The following CPEB2 variants were observed in gnomAD, a reference collection of about 807,000 sequenced individuals.
CPEB2 encodes cytoplasmic polyadenylation element-binding protein 2.
Under a neutral mutation model 93.6 loss-of-function variants are expected in CPEB2, and 56 were observed. That is an observed-to-expected ratio of 0.60 (90% CI 0.48 to 0.75). CPEB2 has a LOEUF of 0.75. Ranked by LOEUF, CPEB2 falls within the 30% of genes least tolerant of loss-of-function variation. The pLI, the probability that CPEB2 is intolerant of heterozygous loss-of-function variation, is 0.00. For missense variants in CPEB2, 1,579 were observed against 1,395.1 expected (o/e 1.13, Z -2.10); for synonymous variants, 764 against 586.3 (o/e 1.30, Z -4.38).
At chr4:15,054,782 T>A (rs1314144864) in intron 8 of CPEB2, among the ~76,000 whole-genome samples, 3 of 152,092 alleles carry the variant, frequency 2.0e-5, no homozygotes, top group Non-Finnish European at 4.4e-5. Context: ...AGAGGAAGTA[T>A]ATCCTGCCCC....
intron 11 of CPEB2, chr4:15,063,711 C>T (rs909953783): frequency 2.0e-5 from 3 of 152,072 alleles, no homozygotes; most frequent in African/African-American, 4.8e-5. Flanking sequence ...TGTCATACCT[C>T]ATACCTCTTT....
At position 15,050,443 on chromosome 4, in the gene CPEB2, C is replaced by G. The variant is rs1304084193; in HGVS notation, c.2201-1971C>G. ...GCATTGTCTCCTATCCAAAAAAATC[C>G]TTCAGTTAATACTGAAAGAAAAACA... is the stretch of plus-strand genomic sequence containing the variant. On this transcript the variant is annotated intron_variant, in intron 6 of 11. Transcript: ENST00000538197. 3.3e-5 allele frequency among the ~76,000 whole-genome samples: 5 copies of G among 152,126 alleles called. No homozygotes were observed. The East Asian group carries it at 9.6e-4, about 29-fold the overall frequency.
intron 6 of CPEB2, among the ~76,000 whole-genome samples, chr4:15,046,228 C>CT (rs954895249): frequency 1.5e-3 from 217 of 148,242 alleles, no homozygotes; most frequent in African/African-American, 4.2e-3. Context: ...CTGTGTTGGC[C>CT]TTTTTTTTTT....
chr4:15,064,127 G>T (rs905001755), intron 11 of CPEB2, among the ~76,000 whole-genome samples: 4 of 152,034 alleles, frequency 2.6e-5, no homozygotes, highest in Admixed American at 2.0e-4. Context: ...TAGACTCATG[G>T]ATACTGTGGT....
At position 15,069,344 on chromosome 4, in the gene CPEB2, A is replaced by T. The variant is rs1205531138; in HGVS notation, c.*2964A>T. On this transcript the variant is annotated 3_prime_UTR_variant, in exon 12 of 12. Transcript: ENST00000538197. ...GCAATACTGTTTCTAATGTTTGTATAAAAAAAAACAGTGTAAACCTTTTTA... is the reference window on the plus strand; with the variant it reads ...GCAATACTGTTTCTAATGTTTGTATTAAAAAAAACAGTGTAAACCTTTTTA... 2.6e-5 allele frequency: 4 copies of T among 151,396 alleles called. No individual in the cohort carries two copies. The highest frequency in any genetic ancestry group is 4.9e-5 in the African/African-American group (2 of 41,168). 9.4% of individuals were successfully genotyped at this position (151,396 alleles called of 1,614,324 possible).
At chr4:15,057,054 A>G (rs1728777074) in intron 8 of CPEB2, among the ~76,000 whole-genome samples, 1 of 152,136 alleles carries the variant, frequency 6.6e-6, no homozygotes, top group Admixed American at 6.5e-5. Flanking sequence ...TGAATTTAAT[A>G]TACTATTTTA....
chr4:15,065,757 G>A (rs1281081856), intron 11 of CPEB2, among the ~76,000 whole-genome samples: 1 of 152,060 alleles, frequency 6.6e-6, no homozygotes, highest in Non-Finnish European at 1.5e-5. Flanking sequence ...ACCTGCAGTG[G>A]AGAGGCGCCG....
At chr4:15,012,050 CA>C (rs1015849290) in intron 3 of CPEB2, among the ~76,000 whole-genome samples, 1 of 152,156 alleles carries the variant, frequency 6.6e-6, no homozygotes, top group African/African-American at 2.4e-5. Flanking sequence ...ACTCACCTTA[CA>C]CACAAAAAAA....
chr4:15,031,898 A>C lies in CPEB2; in HGVS notation c.2126-1263A>C, dbSNP rs191559971. On this transcript the variant is annotated intron_variant, in intron 4 of 11. Transcript: ENST00000538197. ...TTACATGTGGGCCTGTAGAGTGTAG[A>C]GGGCTTGCTGAGGTGGTAAAGGTAG... Among the ~76,000 whole-genome samples the C allele has an allele frequency of 2.6e-5, 4 of 152,240 alleles. No individual in the cohort carries two copies. The East Asian group carries it at 7.7e-4, about 29-fold the overall frequency.
chr4:15,029,867 G>A (rs1050705193), intron 4 of CPEB2, among the ~76,000 whole-genome samples: 5 of 152,218 alleles, frequency 3.3e-5, no homozygotes, highest in East Asian at 3.9e-4. Flanking sequence ...AAAGAGAAAA[G>A]GAAGGTCTTC....
intron 4 of CPEB2, among the ~76,000 whole-genome samples, chr4:15,025,776 G>T (rs1258504508): frequency 1.4e-5 from 2 of 145,974 alleles, no homozygotes; most frequent in Non-Finnish European, 3.0e-5. Context: ...ACAGTAAATG[G>T]AGTGTTACTT....
At chr4:15,040,942 C>G (rs115892231) in intron 6 of CPEB2, among the ~76,000 whole-genome samples, 3,850 of 152,206 alleles carry the variant, frequency 0.025, 86 homozygotes, top group South Asian at 0.14. Flanking sequence ...TTATTTTTAA[C>G]AGTGATTTAT....
At chr4:15,015,517 C>T (rs2702521) in intron 3 of CPEB2, among the ~76,000 whole-genome samples, 16,185 of 151,886 alleles carry the variant, frequency 0.11, 1,820 homozygotes, top group African/African-American at 0.28. Context: ...ATTCTGAACC[C>T]CTAGCTTTAA....
chr4:15,011,117 T>A (rs80346486), intron 3 of CPEB2, among the ~76,000 whole-genome samples: 1 of 150,006 alleles, frequency 6.7e-6, no homozygotes, highest in Non-Finnish European at 1.5e-5. Flanking sequence ...TTTTTTTTTT[T>A]TTTGAGACAG....
At chr4:15,065,979 A>AAAAATCT (rs1729672853) in intron 11 of CPEB2, among the ~76,000 whole-genome samples, 174 bp from the exon 12 acceptor site, 2 of 152,124 alleles carry the variant, frequency 1.3e-5, no homozygotes, top group South Asian at 4.1e-4. Flanking sequence ...AGATTTTTAT[A>AAAAATCT]GATTTTTAAA....
In CPEB2 at chr4:15,069,067, C is replaced by CT. The variant is rs1729906702; in HGVS notation, c.*2689dup. On this transcript the variant is annotated 3_prime_UTR_variant, in exon 12 of 12. Coordinates refer to ENST00000538197, the MANE Select transcript of CPEB2 (RefSeq NM_001177382.2). ...TTGTATTTTTGTATTTTAAAAGCTTCTTCACTTGTGTTCCCTAAATATTCA... is the reference window on the plus strand; with the variant it reads ...TTGTATTTTTGTATTTTAAAAGCTTCTTTCACTTGTGTTCCCTAAATATTCA... 6.6e-6 allele frequency: 1 copy of CT among 151,458 alleles called. No homozygotes were observed. The highest frequency in any genetic ancestry group is 2.4e-5 in the African/African-American group (1 of 41,202). The allele number at this position is 151,458 out of a possible 1,614,324, so 9.4% of individuals were successfully genotyped here.
Position 15,007,395 on chromosome 4 carries a change from C to T in CPEB2, c.1753C>T (p.His585Tyr). The change falls in exon 2 of 12, where the codon CAT becomes TAT. Residue 585 changes from histidine (H) to tyrosine (Y), a missense_variant. His to Tyr is a moderately conservative substitution (Grantham distance 83). Transcript: ENST00000538197. ...MSWGAMHGRD[H>Y]RRTGNMGIPG... ...CTGGGGAGCAATGCATGGCAGAGAT[C>T]ATCGTAGAACCGGAAACATGGGAAT... The T allele has an allele frequency of 6.2e-7, 1 of 1,613,720 alleles. No homozygotes were observed. Among genetic ancestry groups the T allele is most frequent in the South Asian group, 1.1e-5 (1 of 90,994 alleles).
chr4:15,005,454 T>C lies in CPEB2; in HGVS notation c.1662+1119T>C, dbSNP rs1377859929. ...TTTTGATTCAAGATCTTTTTTGTTA[T>C]TCCCTCAATACAATTTTTGGGTGAC... On this transcript the variant is annotated intron_variant, in intron 1 of 11. Coordinates refer to ENST00000538197, the MANE Select transcript of CPEB2 (RefSeq NM_001177382.2). Among the ~76,000 whole-genome samples the C allele has an allele frequency of 2.6e-5, 4 of 152,346 alleles. 1 individual carries two copies. Among genetic ancestry groups the C allele is most frequent in the Admixed American group, 2.6e-4 (4 of 15,302 alleles).
intron 3 of CPEB2, among the ~76,000 whole-genome samples, chr4:15,014,027 G>C (rs539807186): frequency 1.3e-5 from 2 of 152,054 alleles, no homozygotes; most frequent in African/African-American, 2.4e-5. Flanking sequence ...TTTATAGTTA[G>C]TTTAAGGATG....
Sources: gnomAD v4.1 joint callset for allele counts (sites outside exome capture counted in the v4.1 genomes callset) on GRCh38, gnomAD v4.1.1 for gene constraint, MANE v1.5 for transcripts, NCBI Gene and HGNC (gene_info 2026-07-23, HGNC 2026-07-21) for gene names.